The following MPZL1 variants were observed in gnomAD, a reference collection of about 807,000 sequenced individuals.
The protein encoded by MPZL1 is myelin protein zero like 1.
MPZL1 carries 16 observed loss-of-function variants against 29.3 expected under a neutral mutation model. The ratio of observed to expected loss-of-function variants is 0.55; its 90% CI spans 0.37 to 0.83. The LOEUF (loss-of-function observed/expected upper bound fraction) is 0.83, where lower values mean the gene tolerates loss of function less well. Ranked by LOEUF, MPZL1 falls within the 40% of genes least tolerant of loss-of-function variation. MPZL1 has a pLI of 0.00. For missense variants in MPZL1, 279 were observed against 332.9 expected, an observed-to-expected ratio of 0.84 and a Z score of 1.26; for synonymous variants, 143 against 132.0, an observed-to-expected ratio of 1.08 and a Z score of -0.57.
At position 167,787,882 on chromosome 1, in the gene MPZL1, G is replaced by A. The variant is rs761870685; in HGVS notation, c.771G>A (p.Lys257=). Reference sequence around the variant, plus strand: ...GACATCACAGTGACAAGATTAACAAGTCAGAGTCTGTGGTGTATGCGGATA... The same window carrying A: ...GACATCACAGTGACAAGATTAACAAATCAGAGTCTGTGGTGTATGCGGATA... ...SGGHHSDKIN[K]SESVVYADIR... Residue 257 remains lysine (K), a synonymous_variant, in exon 6 of 6, where the codon AAG becomes AAA. Coordinates refer to ENST00000359523, the MANE Select transcript of MPZL1 (RefSeq NM_003953.6). 18 of 1,613,546 alleles carry A rather than the reference G, an allele frequency of 1.1e-5. No homozygotes were observed. The African/African-American group carries it at 2.1e-4, about 19-fold the overall frequency.
chr1:167,785,092 A>G (rs939212330), intron 5 of MPZL1, among the ~76,000 whole-genome samples: 14 of 152,204 alleles, frequency 9.2e-5, no homozygotes, highest in Non-Finnish European at 2.1e-4. Flanking sequence ...AAACCCCCCA[A>G]AATATAGTGG....
intron 1 of MPZL1, among the ~76,000 whole-genome samples, chr1:167,724,538 T>C (rs61808922): frequency 0.013 from 2,008 of 152,296 alleles, 25 homozygotes; most frequent in Non-Finnish European, 0.019. Context: ...GTACGTTTGA[T>C]AGAGCTTGGA....
chr1:167,767,536 C>G (rs1661140868), intron 2 of MPZL1, among the ~76,000 whole-genome samples: 5 of 152,206 alleles, frequency 3.3e-5, no homozygotes, highest in Admixed American at 3.3e-4. Context: ...TCAATTTATA[C>G]TTACACACGA....
chr1:167,788,129 G>A lies in MPZL1; in HGVS notation c.*208G>A. The A allele has an allele frequency of 2.0e-6, 1 of 497,354 alleles. No homozygotes were observed. Among genetic ancestry groups the A allele is most frequent in the Non-Finnish European group, 3.7e-6 (1 of 272,768 alleles). 30.8% of individuals were successfully genotyped at this position (497,354 alleles called of 1,614,324 possible). ...ATATGAGGAGCCAGTGTTGCATGATGAAAAGATGGTATGATTCTACATATG... is the reference window on the plus strand; with the variant it reads ...ATATGAGGAGCCAGTGTTGCATGATAAAAAGATGGTATGATTCTACATATG... On this transcript the variant is annotated 3_prime_UTR_variant, in exon 6 of 6. Transcript: ENST00000359523.
At chr1:167,759,443 G>A (rs1411386930) in intron 1 of MPZL1, among the ~76,000 whole-genome samples, 3 of 152,196 alleles carry the variant, frequency 2.0e-5, no homozygotes, top group Non-Finnish European at 2.9e-5. Context: ...AGAAACCAGT[G>A]AACTCATCCC....
chr1:167,771,820 C>T (rs1025969576), intron 2 of MPZL1, among the ~76,000 whole-genome samples: 1 of 150,444 alleles, frequency 6.6e-6, no homozygotes, highest in African/African-American at 2.4e-5. Flanking sequence ...CACCACTGCA[C>T]TCCAGCCTGG....
chr1:167,734,698 G>GT (rs1660342086), intron 1 of MPZL1, among the ~76,000 whole-genome samples: 1 of 152,164 alleles, frequency 6.6e-6, no homozygotes, highest in Non-Finnish European at 1.5e-5. Context: ...AAAGAGAGGC[G>GT]TTGGGGGTAG....
intron 1 of MPZL1, among the ~76,000 whole-genome samples, chr1:167,740,812 G>T (rs932691337): frequency 2.0e-5 from 3 of 152,164 alleles, no homozygotes; most frequent in African/African-American, 7.2e-5. Flanking sequence ...AAAATGGCAG[G>T]TTGCTTTCTA....
rs1415495725 is a variant in MPZL1, at chr1:167,789,321, A to G, written c.*1400A>G. On this transcript the variant is annotated 3_prime_UTR_variant, in exon 6 of 6. Coordinates refer to ENST00000359523, the MANE Select transcript of MPZL1 (RefSeq NM_003953.6). ...ATTTCCCCCCTTTTAAAATTGTTCG[A>G]AAGCCCACAGTTATGGAAAGAATTA... 6.6e-6 allele frequency: 1 copy of G among 152,180 alleles called. No individual in the cohort carries two copies. The highest frequency in any genetic ancestry group is 1.5e-5 in the Non-Finnish European group (1 of 68,040). The allele number at this position is 152,180 out of a possible 1,614,324, so 9.4% of individuals were successfully genotyped here.
chr1:167,740,423 G>A (rs1201638340), intron 1 of MPZL1, among the ~76,000 whole-genome samples: 2 of 152,120 alleles, frequency 1.3e-5, no homozygotes, highest in African/African-American at 4.8e-5. Context: ...AACCATATTA[G>A]TTCTTCCCTA....
At chr1:167,776,250 C>G in intron 5 of MPZL1, 84 bp downstream of exon 5, 6 of 958,524 alleles carry the variant, frequency 6.3e-6, no homozygotes, top group South Asian at 1.6e-5. Flanking sequence ...GAAAAGAATA[C>G]TGAGCTATGA....
chr1:167,777,675 A>T (rs188047034), intron 5 of MPZL1, among the ~76,000 whole-genome samples: 38 of 152,196 alleles, frequency 2.5e-4, no homozygotes, highest in Non-Finnish European at 5.0e-4. Context: ...ATAGGAGAAC[A>T]CTCTCTGAAA....
chr1:167,723,501 GTGTT>G (rs748706170), intron 1 of MPZL1, among the ~76,000 whole-genome samples: 8 of 152,354 alleles, frequency 5.3e-5, no homozygotes, highest in East Asian at 3.9e-4. Context: ...GGTTAAAAGT[GTGTT>G]TGTTGGTGGT....
chr1:167,766,489 T>C (rs1644425145), intron 2 of MPZL1, among the ~76,000 whole-genome samples: 1 of 152,216 alleles, frequency 6.6e-6, no homozygotes, highest in South Asian at 2.1e-4. Context: ...GTCTAGCTCT[T>C]GAGTTACTAA....
chr1:167,759,166 A>G (rs1209773788), intron 1 of MPZL1, among the ~76,000 whole-genome samples: 1 of 152,192 alleles, frequency 6.6e-6, no homozygotes, highest in African/African-American at 2.4e-5. Context: ...CTTGGCCTCA[A>G]AGAAACCTAT....
intron 2 of MPZL1, 86 bp from the exon 3 acceptor site, chr1:167,772,189 A>G (rs1383884974): frequency 1.8e-5 from 20 of 1,102,532 alleles, no homozygotes; most frequent in Non-Finnish European, 2.6e-5. Context: ...GAAGTCTTTA[A>G]AAGAACCTTT....
chr1:167,764,451 GT>G (rs1322999827), intron 1 of MPZL1, among the ~76,000 whole-genome samples: 2 of 152,198 alleles, frequency 1.3e-5, no homozygotes, highest in African/African-American at 4.8e-5. Flanking sequence ...GTAATCAGCT[GT>G]TTACTTACCT....
At chr1:167,751,694 A>G (rs1660763615) in intron 1 of MPZL1, among the ~76,000 whole-genome samples, 1 of 151,996 alleles carries the variant, frequency 6.6e-6, no homozygotes, top group African/African-American at 2.4e-5. Flanking sequence ...AAAGAAAAGA[A>G]ATTAAATGTA....
intron 1 of MPZL1, among the ~76,000 whole-genome samples, chr1:167,764,440 T>G (rs997184275): frequency 6.6e-6 from 1 of 152,228 alleles, no homozygotes; most frequent in Non-Finnish European, 1.5e-5. Flanking sequence ...TGATATACGG[T>G]GTAATCAGCT....
Sources: gnomAD v4.1 joint callset for allele counts (sites outside exome capture counted in the v4.1 genomes callset) on GRCh38, gnomAD v4.1.1 for gene constraint, MANE v1.5 for transcripts, NCBI Gene and HGNC (gene_info 2026-07-23, HGNC 2026-07-21) for gene names.